The following LARS2 variants were observed in gnomAD, a reference collection of about 807,000 sequenced individuals.
The protein encoded by LARS2 is leucine--tRNA ligase, mitochondrial.
Under a neutral mutation model 116.6 loss-of-function variants are expected in LARS2, and 81 were observed. The ratio of observed to expected loss-of-function variants is 0.69; its 90% CI spans 0.58 to 0.84. The LOEUF (loss-of-function observed/expected upper bound fraction) is 0.84, where lower values mean the gene tolerates loss of function less well. Ranked by LOEUF, LARS2 falls within the 40% of genes least tolerant of loss-of-function variation. LARS2 has a pLI of 0.00. For synonymous variants in LARS2, 396 were observed against 407.2 expected (o/e 0.97, Z 0.33); for missense variants, 968 against 1,114.5 (o/e 0.87, Z 1.87).
intron 8 of LARS2, among the ~76,000 whole-genome samples, chr3:45,470,081 G>T (rs1255844512): frequency 6.6e-6 from 1 of 152,060 alleles, no homozygotes; most frequent in East Asian, 1.9e-4. Flanking sequence ...GTTTTACAGG[G>T]TCTGTACTTC....
chr3:45,467,670 T>C (rs1015804527), intron 8 of LARS2, among the ~76,000 whole-genome samples: 4 of 152,202 alleles, frequency 2.6e-5, no homozygotes, highest in African/African-American at 9.6e-5. Flanking sequence ...ATGTATGTCT[T>C]AGAGTGAATA....
In LARS2 at chr3:45,533,005, G is replaced by A. The variant is rs114458269; in HGVS notation, c.2405-8824G>A. Among the ~76,000 whole-genome samples the A allele has an allele frequency of 6.8e-3, 1,038 of 152,160 alleles. 12 individuals carry two copies. The highest frequency in any genetic ancestry group is 0.016 in the African/African-American group (676 of 41,520). ...ATCTTAACTTGTTCCTTGCTGAATA[G>A]ACAGACACCCTTAAGGGAGGGAGGT... On this transcript the variant is annotated intron_variant, in intron 20 of 21. Transcript: ENST00000645846.
chr3:45,417,715 T>C, intron 5 of LARS2, 142 bp downstream of exon 5: 1 of 592,210 alleles, frequency 1.7e-6, no homozygotes. Context: ...TATATTGGTG[T>C]TTGTCTTTTA....
At chr3:45,402,077 C>T (rs1242121515) in intron 4 of LARS2, among the ~76,000 whole-genome samples, 1 of 152,212 alleles carries the variant, frequency 6.6e-6, no homozygotes, top group Non-Finnish European at 1.5e-5. Context: ...CAAATTCCAG[C>T]TCTTAATACT....
intron 14 of LARS2, among the ~76,000 whole-genome samples, chr3:45,499,110 C>T (rs903833301): frequency 2.0e-4 from 30 of 151,924 alleles, no homozygotes; most frequent in Non-Finnish European, 2.8e-4. Context: ...CTGGACTGAA[C>T]GTAGCAAGAC....
chr3:45,480,245 TG>T (rs757075149), intron 10 of LARS2, among the ~76,000 whole-genome samples: 6 of 152,256 alleles, frequency 3.9e-5, no homozygotes, highest in Non-Finnish European at 8.8e-5. Flanking sequence ...TCAGAACCTT[TG>T]CTGTGCTAAT....
At chr3:45,533,548 G>T (rs559883896) in intron 20 of LARS2, among the ~76,000 whole-genome samples, 1 of 152,256 alleles carries the variant, frequency 6.6e-6, no homozygotes, top group African/African-American at 2.4e-5. Context: ...TCTCATCGCA[G>T]AATATATATT....
chr3:45,408,299 A>G (rs972483361), intron 4 of LARS2, among the ~76,000 whole-genome samples: 2 of 152,244 alleles, frequency 1.3e-5, no homozygotes, highest in Non-Finnish European at 2.9e-5. Flanking sequence ...CCATGTGGCT[A>G]CCGGGCCTCA....
At chr3:45,412,571 A>T (rs1222709465) in intron 4 of LARS2, among the ~76,000 whole-genome samples, 1 of 152,218 alleles carries the variant, frequency 6.6e-6, no homozygotes, top group African/African-American at 2.4e-5. Flanking sequence ...AATTTGAAAA[A>T]ACATCAACTT....
intron 20 of LARS2, among the ~76,000 whole-genome samples, chr3:45,538,037 C>G (rs1700734679): frequency 6.6e-6 from 1 of 152,206 alleles, no homozygotes; most frequent in Non-Finnish European, 1.5e-5. Flanking sequence ...CTGACCTCTC[C>G]CCTTGGCATT....
chr3:45,515,669 G>T (rs1010655776), intron 16 of LARS2, among the ~76,000 whole-genome samples: 1 of 152,200 alleles, frequency 6.6e-6, no homozygotes, highest in Admixed American at 6.5e-5. Context: ...ATCATGTTTT[G>T]GTGACTGCAA....
chr3:45,537,716 A>C (rs567165791), intron 20 of LARS2, among the ~76,000 whole-genome samples: 27 of 152,270 alleles, frequency 1.8e-4, no homozygotes, highest in African/African-American at 6.3e-4. Flanking sequence ...TGTGTCTATG[A>C]GTGCAGGGGT....
chr3:45,400,314 G>A lies in LARS2; in HGVS notation c.304G>A (p.Val102Met). The change falls in exon 4 of 22, where the codon GTG becomes ATG. Residue 102 changes from valine (V) to methionine (M), a missense_variant. Transcript: ENST00000645846. ...TTCTGGTAAGCTGCACATGGGCCATGTGCGTGTCTACACCATCAGCGACAC... is the reference window on the plus strand; with the variant it reads ...TTCTGGTAAGCTGCACATGGGCCATATGCGTGTCTACACCATCAGCGACAC... ...YPSGKLHMGH[V>M]RVYTISDTIA... 6.2e-7 allele frequency: 1 copy of A among 1,614,070 alleles called. No homozygotes were observed. Among genetic ancestry groups the A allele is most frequent in the Non-Finnish European group, 8.5e-7 (1 of 1,179,970 alleles).
chr3:45,502,732 C>A (rs946087580), intron 15 of LARS2, among the ~76,000 whole-genome samples: 1 of 152,050 alleles, frequency 6.6e-6, no homozygotes, highest in Non-Finnish European at 1.5e-5. Context: ...AGCTATCTTC[C>A]AGTTTCTAAT....
intron 7 of LARS2, among the ~76,000 whole-genome samples, chr3:45,457,949 C>T (rs915572791): frequency 1.3e-5 from 2 of 152,094 alleles, no homozygotes; most frequent in Non-Finnish European, 2.9e-5. Flanking sequence ...AGAAGAGCTA[C>T]CATTGTGGGG....
chr3:45,439,547 T>C (rs1240537532), intron 6 of LARS2, among the ~76,000 whole-genome samples: 1 of 151,972 alleles, frequency 6.6e-6, no homozygotes, highest in Non-Finnish European at 1.5e-5. Flanking sequence ...CAGCTGGCCA[T>C]TGAGCACAGG....
intron 4 of LARS2, among the ~76,000 whole-genome samples, chr3:45,411,628 GA>G (rs1457208417): frequency 6.6e-6 from 1 of 151,586 alleles, no homozygotes; most frequent in Non-Finnish European, 1.5e-5. Context: ...AATGTTAAAT[GA>G]AAAAAGGTCA....
rs139787161 is a variant in LARS2 at position 45,522,755 on chromosome 3, A to G, written c.2293-1242A>G. Reference sequence around the variant, plus strand: ...ACTCTGTCTCAAAAAAAAAAGATACAAAAGTGTTCATATGAGCTGGGTGCA... The same window carrying G: ...ACTCTGTCTCAAAAAAAAAAGATACGAAAGTGTTCATATGAGCTGGGTGCA... On this transcript the variant is annotated intron_variant, in intron 19 of 21. Coordinates refer to ENST00000645846, the MANE Select transcript of LARS2 (RefSeq NM_015340.4). 1.9e-3 allele frequency among the ~76,000 whole-genome samples: 283 copies of G among 152,244 alleles called. 2 individuals are homozygous for G. The East Asian group carries it at 0.047, about 25-fold the overall frequency.
At chr3:45,496,035 AT>A (rs1411212867) in intron 13 of LARS2, among the ~76,000 whole-genome samples, 1 of 151,936 alleles carries the variant, frequency 6.6e-6, no homozygotes, top group Non-Finnish European at 1.5e-5. Flanking sequence ...AATTGTTCGT[AT>A]TTTTAGTAGA....
Sources: allele counts gnomAD v4.1 joint callset (sites outside exome capture counted in the v4.1 genomes callset), GRCh38; gene constraint gnomAD v4.1.1; transcripts MANE v1.5; gene names NCBI Gene and HGNC (gene_info 2026-07-23, HGNC 2026-07-21).